Variants in WWOX observed in about 807,000 individuals in gnomAD.
WWOX encodes WW domain-containing oxidoreductase.
Under a neutral mutation model 46.2 loss-of-function variants are expected in WWOX, and 69 were observed. The observed-to-expected ratio is 1.49, with a 90% confidence interval of 1.23 to 1.82. The LOEUF is 1.82. Among genes scored for constraint, WWOX ranks in the 40% most tolerant of loss-of-function variants. The pLI, the probability that WWOX is intolerant of heterozygous loss-of-function variation, is 0.00. For synonymous variants in WWOX, 359 were observed against 202.6 expected, an observed-to-expected ratio of 1.77 and a Z score of -6.56; for missense variants, 919 against 542.6, an observed-to-expected ratio of 1.69 and a Z score of -6.89.
At chr16:78,729,389 C>T (rs190345814) in intron 8 of WWOX, among the ~76,000 whole-genome samples, 11 of 151,906 alleles carry the variant, frequency 7.2e-5, no homozygotes, top group African/African-American at 2.7e-4. Flanking sequence ...TATATGCATG[C>T]ACATCCTAAT....
rs564677952 is a variant in WWOX at position 78,223,046 on chromosome 16, A to G, written c.516+58757A>G. 4.8e-4 allele frequency among the ~76,000 whole-genome samples: 73 copies of G among 152,164 alleles called. 1 individual carries two copies. The highest frequency in any genetic ancestry group is 2.3e-3 in the Admixed American group (35 of 15,282). ...AGGAGATTCTGGTTGAAGCTCTGGCATGGACTTTCCTGCCCAAGAAGTGTC... is the reference window on the plus strand; with the variant it reads ...AGGAGATTCTGGTTGAAGCTCTGGCGTGGACTTTCCTGCCCAAGAAGTGTC... On this transcript the variant is annotated intron_variant, in intron 5 of 8. Coordinates refer to ENST00000566780, the MANE Select transcript of WWOX (RefSeq NM_016373.4).
chr16:78,979,129 T>C (rs2046631087), intron 8 of WWOX, among the ~76,000 whole-genome samples: 1 of 151,756 alleles, frequency 6.6e-6, no homozygotes, highest in Non-Finnish European at 1.5e-5. Flanking sequence ...GTATATATTT[T>C]CCTCTCGAAT....
chr16:78,661,116 A>G (rs2047200479), intron 8 of WWOX, among the ~76,000 whole-genome samples: 1 of 152,192 alleles, frequency 6.6e-6, no homozygotes, highest in Non-Finnish European at 1.5e-5. Flanking sequence ...TGGTGGAACA[A>G]AGGCACTGTG....
chr16:78,523,009 T>C (rs1329582780), intron 8 of WWOX, among the ~76,000 whole-genome samples: 1 of 152,104 alleles, frequency 6.6e-6, no homozygotes, highest in Non-Finnish European at 1.5e-5. Flanking sequence ...GAGGCGGAGG[T>C]TGCAGTGAGC....
chr16:78,705,936 A>G, intron 8 of WWOX, among the ~76,000 whole-genome samples: 1 of 152,148 alleles, frequency 6.6e-6, no homozygotes, highest in East Asian at 1.9e-4. Flanking sequence ...ACACTAAGGA[A>G]TGTTTGAGTG....
At chr16:78,593,245 T>A (rs913756698) in intron 8 of WWOX, among the ~76,000 whole-genome samples, 1 of 152,124 alleles carries the variant, frequency 6.6e-6, no homozygotes, top group Non-Finnish European at 1.5e-5. Context: ...TTCATTATAT[T>A]GCCCAGACTG....
At chr16:78,649,351 C>A (rs1027325447) in intron 8 of WWOX, among the ~76,000 whole-genome samples, 3 of 152,062 alleles carry the variant, frequency 2.0e-5, no homozygotes, top group Non-Finnish European at 4.4e-5. Flanking sequence ...TGGTGCAATC[C>A]TAGCTTACTG....
intron 8 of WWOX, among the ~76,000 whole-genome samples, chr16:78,599,264 G>C (rs769074161): frequency 1.3e-5 from 2 of 152,186 alleles, no homozygotes; most frequent in Non-Finnish European, 2.9e-5. Flanking sequence ...AGCTGGTCTA[G>C]CTTTGTCTGT....
intron 8 of WWOX, among the ~76,000 whole-genome samples, chr16:78,567,218 T>C (rs576738021): frequency 6.6e-6 from 1 of 152,300 alleles, no homozygotes; most frequent in South Asian, 2.1e-4. Context: ...AAAGCTGAGC[T>C]GCCTGCCAGG....
At chr16:78,159,497 T>G (rs1301159770) in intron 4 of WWOX, among the ~76,000 whole-genome samples, 1 of 152,106 alleles carries the variant, frequency 6.6e-6, no homozygotes, top group Non-Finnish European at 1.5e-5. Flanking sequence ...CTTGTTATCT[T>G]TCATTTTATG....
chr16:78,710,563 A>C (rs533834591), intron 8 of WWOX, among the ~76,000 whole-genome samples: 122 of 141,794 alleles, frequency 8.6e-4, no homozygotes, highest in African/African-American at 2.4e-3. Flanking sequence ...TATTTATGCA[A>C]GTATATATCT....
chr16:78,409,356 C>T (rs930445496), intron 6 of WWOX, among the ~76,000 whole-genome samples: 1 of 152,118 alleles, frequency 6.6e-6, no homozygotes, highest in African/African-American at 2.4e-5. Context: ...TCCTCTGTGC[C>T]TTACTGTAGT....
intron 8 of WWOX, among the ~76,000 whole-genome samples, chr16:78,597,836 T>C (rs2045527191): frequency 6.6e-6 from 1 of 151,758 alleles, no homozygotes; most frequent in Non-Finnish European, 1.5e-5. Flanking sequence ...TTTTTTTCTT[T>C]TTTAAATTCA....
intron 8 of WWOX, among the ~76,000 whole-genome samples, chr16:79,157,691 G>A (rs556610945): frequency 6.6e-6 from 1 of 152,336 alleles, no homozygotes; most frequent in South Asian, 2.1e-4. Context: ...GTTTGTGAGA[G>A]TTGTGATGAT....
rs374422276 is a variant in WWOX, at chr16:79,183,403, G to T, written c.1057-28205G>T. 4.6e-5 allele frequency among the ~76,000 whole-genome samples: 7 copies of T among 152,298 alleles called. No individual in the cohort carries two copies. In the East Asian group the frequency reaches 7.7e-4, roughly 17 times the overall value. ...AGCCACCGTGCTATGAAATGCTAGC[G>T]CAGATGACGTTCAGAACTGCCCTGT... On this transcript the variant is annotated intron_variant, in intron 8 of 8. Coordinates refer to ENST00000566780, the MANE Select transcript of WWOX (RefSeq NM_016373.4).
In WWOX at chr16:78,817,586, G is replaced by T. The variant is rs962277131; in HGVS notation, c.1056+384834G>T. 3.3e-5 allele frequency among the ~76,000 whole-genome samples: 5 copies of T among 152,092 alleles called. No homozygotes were observed. In the East Asian group the frequency reaches 9.7e-4, roughly 29 times the overall value. On this transcript the variant is annotated intron_variant, in intron 8 of 8. Transcript: ENST00000566780. ...TGCCAAGTTGGCTACAAAACCTCTC[G>T]CTTGGAGCCAGCACTAATTATGTCA...
At chr16:78,981,062 T>C (rs2151333530) in intron 8 of WWOX, among the ~76,000 whole-genome samples, 1 of 152,342 alleles carries the variant, frequency 6.6e-6, no homozygotes, top group South Asian at 2.1e-4. Flanking sequence ...AGTCATACTT[T>C]GCAGACCCCT....
chr16:78,709,999 G>C (rs898111815), intron 8 of WWOX, among the ~76,000 whole-genome samples: 1 of 152,078 alleles, frequency 6.6e-6, no homozygotes, highest in Non-Finnish European at 1.5e-5. Flanking sequence ...CCAAAGTGTT[G>C]GGATTACAGG....
intron 8 of WWOX, among the ~76,000 whole-genome samples, chr16:78,967,950 G>A (rs1450489375): frequency 6.6e-6 from 1 of 152,166 alleles, no homozygotes; most frequent in Non-Finnish European, 1.5e-5. Flanking sequence ...CCCCAGTTCT[G>A]TGTTTATACT....
Sources: gnomAD v4.1 joint callset for allele counts (sites outside exome capture counted in the v4.1 genomes callset) on GRCh38, gnomAD v4.1.1 for gene constraint, MANE v1.5 for transcripts, NCBI Gene and HGNC (gene_info 2026-07-23, HGNC 2026-07-21) for gene names.